PCDHGB7: variants seen among roughly 807,000 people sequenced by gnomAD.
The protein encoded by PCDHGB7 is protocadherin gamma subfamily B, 7, also known as protocadherin gamma-B7.
A neutral mutation model predicts 61.4 loss-of-function variants in PCDHGB7; 37 were observed. The ratio of observed to expected loss-of-function variants is 0.60; its 90% CI spans 0.46 to 0.79. The LOEUF (loss-of-function observed/expected upper bound fraction) is 0.79, where lower values mean the gene tolerates loss of function less well. Ranked by LOEUF, PCDHGB7 falls within the 30% of genes least tolerant of loss-of-function variation. The pLI, the probability that PCDHGB7 is intolerant of heterozygous loss-of-function variation, is 0.00. For missense variants in PCDHGB7, 1,166 were observed against 1,202.5 expected (o/e 0.97, Z 0.45); for synonymous variants, 464 against 503.5 (o/e 0.92, Z 1.05).
At chr5:141,505,336 G>A in intron 2 of PCDHGB7, 57 bp from the exon 3 acceptor site, 2 of 1,611,374 alleles carry the variant, frequency 1.2e-6, no homozygotes, top group South Asian at 1.1e-5. Flanking sequence ...GAGGACAGGA[G>A]GGGCATGAGC....
intron 1 of PCDHGB7, among the ~76,000 whole-genome samples, chr5:141,444,275 G>A (rs1427489988): frequency 7.1e-6 from 1 of 141,698 alleles, no homozygotes; most frequent in Non-Finnish European, 1.5e-5. Flanking sequence ...AGGTTCAAGT[G>A]ATTCTCCTGC....
chr5:141,504,956 G>A (rs1327603937), intron 2 of PCDHGB7, among the ~76,000 whole-genome samples: 1 of 152,096 alleles, frequency 6.6e-6, no homozygotes, highest in Non-Finnish European at 1.5e-5. Context: ...TATGTTCAAT[G>A]CATTGGACCA....
chr5:141,492,616 G>C (rs976681246), intron 1 of PCDHGB7, among the ~76,000 whole-genome samples: 2 of 152,252 alleles, frequency 1.3e-5, no homozygotes, highest in African/African-American at 4.8e-5. Context: ...CTAAGTGCCG[G>C]GCGGGCAGGA....
Position 141,486,282 on chromosome 5 carries a change from C to G in PCDHGB7, c.2416-8525C>G. On this transcript the variant is annotated intron_variant, in intron 1 of 3. Transcript: ENST00000398594. This position sits in a 1 kb window ranked among gnomAD's most constrained non-coding sequence, Gnocchi z 5.0. ...AGTGCAGAACCTGGCACTGTGGTGG[C>G]ACTTATCAGTGTGCAGGATCCAGAC... The G allele has an allele frequency of 1.2e-6, 2 of 1,614,052 alleles. No homozygotes were observed. The highest frequency in any genetic ancestry group is 1.7e-6 in the Non-Finnish European group (2 of 1,179,992).
chr5:141,419,253 A>G lies in PCDHGB7; in HGVS notation c.1394A>G (p.Asn465Ser). The G allele has an allele frequency of 2.5e-6, 4 of 1,613,990 alleles. No homozygotes were observed. The highest frequency in any genetic ancestry group is 1.1e-5 in the South Asian group (1 of 91,086). The change falls in exon 1 of 4, where the codon AAC becomes AGC. Residue 465 changes from asparagine (N) to serine (S), a missense_variant. Transcript: ENST00000398594. ...SAYLVHVPEN[N>S]QPGASIAQVS... ...TACCTGGTCCACGTGCCAGAAAACA[A>G]CCAGCCGGGTGCCTCCATAGCGCAA...
intron 1 of PCDHGB7, among the ~76,000 whole-genome samples, chr5:141,472,266 G>A (rs931951683): frequency 2.0e-5 from 3 of 152,198 alleles, no homozygotes. Flanking sequence ...TTATAGCCGG[G>A]CACAGTGGCT....
chr5:141,464,676 T>C (rs1337677151), intron 1 of PCDHGB7, among the ~76,000 whole-genome samples: 3 of 152,176 alleles, frequency 2.0e-5, no homozygotes, highest in Non-Finnish European at 2.9e-5. Context: ...ATAATTTTAA[T>C]TAAAATTTCT....
intron 1 of PCDHGB7, among the ~76,000 whole-genome samples, chr5:141,480,513 C>T (rs1376669385): frequency 7.9e-6 from 1 of 127,246 alleles, no homozygotes. Context: ...ATGAGAACAA[C>T]CAAAAATGAC....
At chr5:141,444,725 T>C (rs1178418239) in intron 1 of PCDHGB7, among the ~76,000 whole-genome samples, 1 of 152,370 alleles carries the variant, frequency 6.6e-6, no homozygotes, top group East Asian at 1.9e-4. Flanking sequence ...TTGGTGCCTT[T>C]GTTGAAAGTC....
At position 141,491,735 on chromosome 5, in the gene PCDHGB7, G is replaced by C. The variant is rs765837152; in HGVS notation, c.2416-3072G>C. ...TCGGCGCCGCCCCGGGCGACCCCTG[G>C]GGGCGGCACTGGAGAAGCCGCCCGT... On this transcript the variant is annotated intron_variant, in intron 1 of 3. Coordinates refer to ENST00000398594, the MANE Select transcript of PCDHGB7 (RefSeq NM_018927.4). The surrounding 1 kb of genome is among the most constrained non-coding windows in gnomAD (Gnocchi z 6.9). 2.5e-6 allele frequency: 4 copies of C among 1,601,968 alleles called. No homozygotes were observed. In the South Asian group the frequency reaches 4.4e-5, roughly 18 times the overall value.
At chr5:141,474,447 G>A (rs1263877262) in intron 1 of PCDHGB7, among the ~76,000 whole-genome samples, 1 of 152,218 alleles carries the variant, frequency 6.6e-6, no homozygotes, top group Non-Finnish European at 1.5e-5. Flanking sequence ...AGTAGCAAGT[G>A]ATTGGGCTAT....
intron 1 of PCDHGB7, among the ~76,000 whole-genome samples, chr5:141,454,626 G>A (rs1206050863): frequency 6.6e-6 from 1 of 151,304 alleles, no homozygotes; most frequent in African/African-American, 2.4e-5. Flanking sequence ...GGCTGGTCTC[G>A]AACCCCCAAC....
intron 1 of PCDHGB7, among the ~76,000 whole-genome samples, chr5:141,457,254 A>G (rs2098914828): frequency 6.6e-6 from 1 of 152,222 alleles, no homozygotes; most frequent in Admixed American, 6.5e-5. Flanking sequence ...TTGCCAACAT[A>G]TAGAATTCCC....
rs1259562533 is a variant in PCDHGB7 at position 141,482,788 on chromosome 5, G to T, written c.2416-12019G>T. 2.6e-5 allele frequency among the ~76,000 whole-genome samples: 4 copies of T among 152,184 alleles called. 1 individual carries two copies. Among genetic ancestry groups the T allele is most frequent in the Admixed American group, 2.6e-4 (4 of 15,278 alleles). ...TATCACTGAACCTTAAACTGTGTGTGTGGCCGGGTACGGTGGCTCATGCCT... is the reference window on the plus strand; with the variant it reads ...TATCACTGAACCTTAAACTGTGTGTTTGGCCGGGTACGGTGGCTCATGCCT... On this transcript the variant is annotated intron_variant, in intron 1 of 3. Transcript: ENST00000398594.
In PCDHGB7 at chr5:141,485,520, T is replaced by G. The variant is rs2099615008; in HGVS notation, c.2416-9287T>G. On this transcript the variant is annotated intron_variant, in intron 1 of 3. Transcript: ENST00000398594. This position sits in a 1 kb window ranked among gnomAD's most constrained non-coding sequence, Gnocchi z 5.7. ...TTTGTCACCGAAGGTCCTTTGGAAA[T>G]GTACCGAGCAGAGGTAGAGATCGTA... 1 of 1,614,108 alleles carries G rather than the reference T, an allele frequency of 6.2e-7. No homozygotes were observed. The highest frequency in any genetic ancestry group is 8.5e-7 in the Non-Finnish European group (1 of 1,180,012).
Position 141,420,291 on chromosome 5 carries a change from G to A in PCDHGB7, c.2415+17G>A. ...CTTAAACAGGTAAGTATTTAAAAAT[G>A]TATTTAATCCTTTTTATATTACAAT... On this transcript the variant is annotated intron_variant, in intron 1 of 3. Coordinates refer to ENST00000398594, the MANE Select transcript of PCDHGB7 (RefSeq NM_018927.4). 1 of 1,494,346 alleles carries A rather than the reference G, an allele frequency of 6.7e-7. No individual in the cohort carries two copies. Among genetic ancestry groups the A allele is most frequent in the Non-Finnish European group, 9.0e-7 (1 of 1,109,402 alleles). 92.6% of individuals were successfully genotyped at this position (1,494,346 alleles called of 1,614,324 possible).
chr5:141,434,747 C>T (rs2097714000), intron 1 of PCDHGB7, among the ~76,000 whole-genome samples: 1 of 151,606 alleles, frequency 6.6e-6, no homozygotes, highest in South Asian at 2.1e-4. Flanking sequence ...GCTATGAGAC[C>T]CCTGATTCCC....
Position 141,477,365 on chromosome 5 carries a change from C to T in PCDHGB7, c.2416-17442C>T, listed in dbSNP as rs754438240. On this transcript the variant is annotated intron_variant, in intron 1 of 3. Transcript: ENST00000398594. The surrounding 1 kb of genome is among the most constrained non-coding windows in gnomAD (Gnocchi z 4.9). ...TTTGAAAACCAGTGCAGACCTGGAT[C>T]GGGAGACTGTGCCAGAATACAACCT... The T allele has an allele frequency of 6.2e-7, 1 of 1,614,156 alleles. No homozygotes were observed. The highest frequency in any genetic ancestry group is 1.7e-5 in the Admixed American group (1 of 60,022).
intron 1 of PCDHGB7, among the ~76,000 whole-genome samples, chr5:141,438,629 TATATATACACAC>T (rs1343412075): frequency 0.05 from 2,378 of 47,602 alleles, 22 homozygotes; most frequent in African/African-American, 0.12. Context: ...TATATATATA[TATATATACACAC>T]ACACACACAC....
Sources: gnomAD v4.1 joint callset for allele counts (sites outside exome capture counted in the v4.1 genomes callset) on GRCh38, gnomAD v4.1.1 for gene constraint, Gnocchi (gnomAD v3.1) non-coding constraint, MANE v1.5 for transcripts, NCBI Gene and HGNC (gene_info 2026-07-23, HGNC 2026-07-21) for gene names.